Variants in GSE1 observed in about 807,000 individuals in gnomAD.
The protein encoded by GSE1 is Gse1 coiled-coil protein.
Under a neutral mutation model 112.6 loss-of-function variants are expected in GSE1, and 32 were observed. That is an observed-to-expected ratio of 0.28 (90% CI 0.21 to 0.38). The LOEUF (loss-of-function observed/expected upper bound fraction) is 0.38. GSE1 is among the 10% of genes least tolerant of loss of function. The pLI, the probability that GSE1 is intolerant of heterozygous loss-of-function variation, is 1.00. For synonymous variants in GSE1, 1,115 were observed against 735.6 expected, an observed-to-expected ratio of 1.52 and a Z score of -8.35; for missense variants, 2,348 against 1,699.2, an observed-to-expected ratio of 1.38 and a Z score of -6.71.
rs904100368 is a variant in GSE1 at position 85,545,860 on chromosome 16, G to A, written c.2465-88054G>A. ...TACAGTGGCGTGATCTCGGCTCACT[G>A]CAAGCTCCGCCTCCCGGGTTCACGC... On this transcript the variant is annotated intron_variant, in intron 2 of 2. Coordinates refer to the GSE1 transcript ENST00000637419. Among the ~76,000 whole-genome samples the A allele has an allele frequency of 3.3e-5, 5 of 152,166 alleles. No individual in the cohort carries two copies. The South Asian group carries it at 6.2e-4, about 19-fold the overall frequency.
chr16:85,643,290 T>C (rs1016426261), intron 2 of GSE1, among the ~76,000 whole-genome samples: 9 of 152,050 alleles, frequency 5.9e-5, no homozygotes, highest in Admixed American at 1.3e-4. Flanking sequence ...ACCTTCCTGC[T>C]CCAGCCACGC....
chr16:85,555,499 A>C, upstream of GSE1: 1 of 984,764 alleles, frequency 1.0e-6, no homozygotes, highest in Non-Finnish European at 1.2e-6. Flanking sequence ...TTTATTTACG[A>C]GAAGAAATCT....
chr16:85,357,271 A>G (rs2046969368), intron 1 of GSE1, among the ~76,000 whole-genome samples: 2 of 152,156 alleles, frequency 1.3e-5, no homozygotes, highest in South Asian at 2.1e-4. Context: ...CTTGCTGGGC[A>G]AGGAAGACAC....
intron 2 of GSE1, among the ~76,000 whole-genome samples, chr16:85,398,788 G>T (rs1322654732): frequency 2.6e-5 from 4 of 152,166 alleles, no homozygotes; most frequent in African/African-American, 4.8e-5. Context: ...TGTTCACGTG[G>T]TCCTTACATG....
In GSE1 at chr16:85,657,339, C is replaced by A. The variant is rs1378288550; in HGVS notation, c.1375C>A (p.Pro459Thr). 3 of 1,608,034 alleles carry A rather than the reference C, an allele frequency of 1.9e-6. No homozygotes were observed. Among genetic ancestry groups the A allele is most frequent in the African/African-American group, 2.7e-5 (2 of 74,816 alleles). Residue 459 changes from proline (P) to threonine (T), a missense_variant, in exon 8 of 16, where the codon CCC becomes ACC. Coordinates refer to ENST00000253458, the MANE Select transcript of GSE1 (RefSeq NM_014615.5). ...CGTCCAACACCCCTTGCATCCGGTG[C>A]CCACCCCACACCACACGGTGCCCAG... ...KPVQHPLHPV[P>T]TPHHTVPSLI... is the part of the protein sequence containing the mutation.
At chr16:85,483,454 G>A (rs1376359880) in intron 2 of GSE1, among the ~76,000 whole-genome samples, 2 of 152,254 alleles carry the variant, frequency 1.3e-5, no homozygotes, top group Admixed American at 6.5e-5. Flanking sequence ...GGCTGGCCAC[G>A]AGGGTTGTGA....
intron 2 of GSE1, among the ~76,000 whole-genome samples, chr16:85,523,602 G>A (rs571031826): frequency 6.6e-6 from 1 of 152,188 alleles, no homozygotes; most frequent in Non-Finnish European, 1.5e-5. Flanking sequence ...CCCCAGCCGT[G>A]GGGGCTGGAG....
intron 1 of GSE1, among the ~76,000 whole-genome samples, chr16:85,604,303 A>G (rs2047590010): frequency 6.6e-6 from 1 of 152,168 alleles, no homozygotes; most frequent in Non-Finnish European, 1.5e-5. Context: ...TCGTGTCTTC[A>G]AGGTTCATCT....
upstream of GSE1, among the ~76,000 whole-genome samples, chr16:85,608,280 C>A (rs1385170738): frequency 1.3e-5 from 2 of 152,114 alleles, no homozygotes. Context: ...GCCTTCCACC[C>A]CTCAGCTCTT....
At chr16:85,658,793 C>G (rs1380543541) in intron 8 of GSE1, among the ~76,000 whole-genome samples, 1 of 145,886 alleles carries the variant, frequency 6.9e-6, no homozygotes, top group Non-Finnish European at 1.6e-5. Context: ...TGCCCTGACT[C>G]CTGTAGGCAT....
At chr16:85,254,805 C>T (rs538258358) in intron 1 of GSE1, among the ~76,000 whole-genome samples, 28 of 152,338 alleles carry the variant, frequency 1.8e-4, no homozygotes, top group Non-Finnish European at 3.1e-4. Context: ...AGGAGCTGGC[C>T]TAGAGCCCAC....
At chr16:85,644,007 C>T (rs536371400) in intron 2 of GSE1, among the ~76,000 whole-genome samples, 145 of 152,220 alleles carry the variant, frequency 9.5e-4, no homozygotes, top group African/African-American at 3.2e-3. Flanking sequence ...TGGGTTTGGG[C>T]CGGGTGCACA....
chr16:85,526,813 C>T (rs982388418), intron 2 of GSE1, among the ~76,000 whole-genome samples: 5 of 152,354 alleles, frequency 3.3e-5, no homozygotes, highest in African/African-American at 1.2e-4. Flanking sequence ...AGCTTTTAAC[C>T]TGTCCCCACC....
intron 1 of GSE1, among the ~76,000 whole-genome samples, chr16:85,275,471 A>G (rs991757413): frequency 2.0e-5 from 3 of 152,238 alleles, no homozygotes; most frequent in African/African-American, 7.2e-5. Context: ...TTGCATCCAG[A>G]AGTACCTCGG....
rs547224117 is a variant in GSE1 at position 85,186,338 on chromosome 16, C to G, written c.2283+14531C>G. Among the ~76,000 whole-genome samples, 11 of 152,180 alleles carry G rather than the reference C, an allele frequency of 7.2e-5. No homozygotes were observed. The South Asian group carries it at 1.0e-3, about 14-fold the overall frequency. On this transcript the variant is annotated intron_variant, in intron 1 of 2. Coordinates refer to the GSE1 transcript ENST00000637419. ...TTAAAAAATTGTCCGGGTGCGGTCG[C>G]TCACACCTGTAATCCCAGCATTTTA...
chr16:85,387,448 C>T (rs573078580), intron 2 of GSE1, among the ~76,000 whole-genome samples: 54 of 152,358 alleles, frequency 3.5e-4, no homozygotes, highest in Non-Finnish European at 6.6e-4. Flanking sequence ...TCTGCTGTCC[C>T]TTCAGCCTGC....
intron 2 of GSE1, among the ~76,000 whole-genome samples, chr16:85,495,759 A>C (rs944004935): frequency 2.6e-5 from 4 of 152,248 alleles, no homozygotes; most frequent in Admixed American, 1.3e-4. Context: ...TGGCCTCCCA[A>C]AGTGCTGGGA....
intron 2 of GSE1, among the ~76,000 whole-genome samples, chr16:85,386,979 C>T (rs1567727674): frequency 2.0e-5 from 3 of 152,162 alleles, no homozygotes; most frequent in South Asian, 4.1e-4. Context: ...CCTGGGGCCA[C>T]GCAGCATCAC....
intron 1 of GSE1, among the ~76,000 whole-genome samples, chr16:85,246,190 T>G: frequency 7.7e-6 from 1 of 130,560 alleles, no homozygotes. Flanking sequence ...TGCCCCAGCT[T>G]CAGGGACCCT....
Sources: allele counts gnomAD v4.1 joint callset (sites outside exome capture counted in the v4.1 genomes callset), GRCh38; gene constraint gnomAD v4.1.1; transcripts MANE v1.5; gene names NCBI Gene and HGNC (gene_info 2026-07-23, HGNC 2026-07-21).